NMT1: variants seen among roughly 807,000 people sequenced by gnomAD.
The protein encoded by NMT1 is N-myristoyltransferase 1, also known as glycylpeptide N-tetradecanoyltransferase 1.
NMT1 carries 12 observed loss-of-function variants against 63.4 expected under a neutral mutation model. The ratio of observed to expected loss-of-function variants is 0.19; its 90% CI spans 0.12 to 0.31. NMT1 has a LOEUF of 0.31. Among genes scored for constraint, NMT1 ranks in the 10% least tolerant of loss-of-function variants. NMT1 has a pLI of 1.00. For missense variants in NMT1, 432 were observed against 634.6 expected (o/e 0.68, Z 3.43); for synonymous variants, 228 against 234.3 (o/e 0.97, Z 0.25).
rs964405083 is a variant in NMT1 at position 45,103,324 on chromosome 17, G to A, written c.1164+203G>A. Among the ~76,000 whole-genome samples the A allele has an allele frequency of 3.3e-5, 5 of 152,116 alleles. No homozygotes were observed. The highest frequency in any genetic ancestry group is 6.5e-5 in the Admixed American group (1 of 15,268). ...CTGGCTTGAGCCCTTCTCCCCCTCT[G>A]CCCCACTTTGATAACACAAAATAGA... On this transcript the variant is annotated intron_variant, in intron 9 of 11. Transcript: ENST00000258960. The surrounding 1 kb of genome is among the most constrained non-coding windows in gnomAD (Gnocchi z 4.8).
chr17:45,069,273 A>ATTTCT (rs370339622), intron 1 of NMT1, among the ~76,000 whole-genome samples: 1 of 137,586 alleles, frequency 7.3e-6, no homozygotes, highest in Non-Finnish European at 1.5e-5. Flanking sequence ...TTTATTTTTT[A>ATTTCT]TTATTTATTT....
In NMT1 at chr17:45,093,711, G is replaced by A. The variant is rs752448187; in HGVS notation, c.412G>A (p.Val138Met). 3.7e-6 allele frequency: 6 copies of A among 1,614,192 alleles called. No homozygotes were observed. Among genetic ancestry groups the A allele is most frequent in the East Asian group, 2.2e-5 (1 of 44,874 alleles). The change falls in exon 4 of 12, where the codon GTG becomes ATG. Residue 138 changes from valine (V) to methionine (M), a missense_variant. Val to Met is a conservative substitution (Grantham distance 21). Transcript: ENST00000258960. Reference sequence around the variant, plus strand: ...CGAAGTGGTGAACACCCATGGCCCCGTGGAGCCTGACAAGGACAATATCCG... The same window carrying A: ...CGAAGTGGTGAACACCCATGGCCCCATGGAGCCTGACAAGGACAATATCCG... ...LGEVVNTHGP[V>M]EPDKDNIRQE...
Position 45,103,518 on chromosome 17 carries a change from A to G in NMT1, c.1165-191A>G, listed in dbSNP as rs952642901. On this transcript the variant is annotated intron_variant, in intron 9 of 11. Transcript: ENST00000258960. This position sits in a 1 kb window ranked among gnomAD's most constrained non-coding sequence, Gnocchi z 4.8. ...GAAAGAGGTCTGGCAGGTTCAGCCC[A>G]CGATCACGGCTCTGTCCTCAAGTGC... Among the ~76,000 whole-genome samples, 1 of 152,148 alleles carries G rather than the reference A, an allele frequency of 6.6e-6. No individual in the cohort carries two copies. The highest frequency in any genetic ancestry group is 2.4e-5 in the African/African-American group (1 of 41,426).
At chr17:45,066,594 TA>T (rs1162093973) in intron 1 of NMT1, among the ~76,000 whole-genome samples, 1 of 151,686 alleles carries the variant, frequency 6.6e-6, no homozygotes, top group Non-Finnish European at 1.5e-5. Context: ...TCTCTATAAA[TA>T]AAAACAAAAA....
At chr17:45,081,869 G>A in intron 2 of NMT1, 117 bp downstream of exon 2, 1 of 801,190 alleles carries the variant, frequency 1.2e-6, no homozygotes, top group African/African-American at 1.7e-5. Flanking sequence ...CTTCAAGATG[G>A]AAGAGTTGGA....
intron 5 of NMT1, among the ~76,000 whole-genome samples, chr17:45,096,641 T>A (rs1164049941): frequency 6.6e-6 from 1 of 152,200 alleles, no homozygotes; most frequent in Non-Finnish European, 1.5e-5. Context: ...TGTATAGCCT[T>A]GCCTGGCTGA....
chr17:45,104,496 G>A lies in NMT1; in HGVS notation c.1333-363G>A. 1 of 1,110,226 alleles carries A rather than the reference G, an allele frequency of 9.0e-7. No individual in the cohort carries two copies. The highest frequency in any genetic ancestry group is 1.1e-6 in the Non-Finnish European group (1 of 905,638). 68.8% of individuals were successfully genotyped at this position (1,110,226 alleles called of 1,614,324 possible). A position where few individuals can be genotyped will look rare whatever the true frequency, so the allele number is the denominator to read the frequency against. On this transcript the variant is annotated intron_variant, in intron 10 of 11. Coordinates refer to ENST00000258960, the MANE Select transcript of NMT1 (RefSeq NM_021079.5). This position sits in a 1 kb window ranked among gnomAD's most constrained non-coding sequence, Gnocchi z 4.2. ...AGTAAGGAAGCAACACAAACCCCAT[G>A]TAGCTGACCAGAGCCAGCTTCTCAG...
At chr17:45,099,762 T>C in intron 8 of NMT1, 1 of 510,444 alleles carries the variant, frequency 2.0e-6, no homozygotes, top group South Asian at 2.3e-5. Flanking sequence ...GTTGAAAGGC[T>C]CAGAGAACAC....
chr17:45,065,398 C>T (rs944087481), intron 1 of NMT1, among the ~76,000 whole-genome samples: 5 of 151,842 alleles, frequency 3.3e-5, no homozygotes, highest in African/African-American at 7.3e-5. Flanking sequence ...CTAAGGCGGG[C>T]GGGATCATGA....
intron 8 of NMT1, among the ~76,000 whole-genome samples, chr17:45,102,746 T>C (rs2054175162): frequency 6.6e-6 from 1 of 152,206 alleles, no homozygotes; most frequent in South Asian, 2.1e-4. Flanking sequence ...TTGATTGATG[T>C]AGCAGTCTGA....
At chr17:45,063,881 G>A (rs1025152034) in intron 1 of NMT1, among the ~76,000 whole-genome samples, 4 of 149,580 alleles carry the variant, frequency 2.7e-5, no homozygotes, top group Non-Finnish European at 4.4e-5. Context: ...GGGCAATAGA[G>A]CAAAGCCCTG....
chr17:45,086,423 C>G, intron 2 of NMT1, 85 bp from the exon 3 acceptor site: 1 of 1,384,892 alleles, frequency 7.2e-7, no homozygotes, highest in East Asian at 2.6e-5. Flanking sequence ...CTGCACCCAG[C>G]TCCCCTTAAC....
At chr17:45,067,773 T>A (rs1349529096) in intron 1 of NMT1, among the ~76,000 whole-genome samples, 1 of 152,174 alleles carries the variant, frequency 6.6e-6, no homozygotes, top group Non-Finnish European at 1.5e-5. Context: ...TGTTTCCCAA[T>A]TAAATGGCAA....
intron 2 of NMT1, among the ~76,000 whole-genome samples, chr17:45,085,191 C>T (rs1020616097): frequency 2.0e-5 from 3 of 151,992 alleles, no homozygotes; most frequent in Admixed American, 6.6e-5. Flanking sequence ...AGGTTGAAGC[C>T]GCAGTAAGCC....
chr17:45,077,258 G>C (rs981915241), intron 1 of NMT1, among the ~76,000 whole-genome samples: 8 of 152,028 alleles, frequency 5.3e-5, no homozygotes, highest in Admixed American at 5.2e-4. Flanking sequence ...TGTTCCATAA[G>C]CTGTTATGGA....
intron 1 of NMT1, among the ~76,000 whole-genome samples, chr17:45,064,271 T>C (rs1176909364): frequency 6.6e-6 from 1 of 152,208 alleles, no homozygotes; most frequent in Non-Finnish European, 1.5e-5. Context: ...GGTGTCTCTG[T>C]GCATGGTTAT....
chr17:45,096,985 A>T (rs577809539), intron 5 of NMT1, 143 bp from the exon 6 acceptor site: 67 of 684,306 alleles, frequency 9.8e-5, no homozygotes, highest in South Asian at 9.5e-4. Context: ...TGTGTCCAGG[A>T]GGGCTTGGCC....
At chr17:45,081,375 A>C (rs1247085733) in intron 1 of NMT1, among the ~76,000 whole-genome samples, 1 of 152,248 alleles carries the variant, frequency 6.6e-6, no homozygotes, top group Non-Finnish European at 1.5e-5. Context: ...AAAGAAAATA[A>C]GCAACATAAA....
In NMT1 at chr17:45,104,892, A is replaced by G; in HGVS notation, c.1366A>G (p.Met456Val). 6.2e-7 allele frequency: 1 copy of G among 1,611,166 alleles called. No homozygotes were observed. Among genetic ancestry groups the G allele is most frequent in the Non-Finnish European group, 8.5e-7 (1 of 1,177,616 alleles). The part of the protein sequence containing the change: ...GFDVFNALDL[M>V]ENKTFLEKLK... ...TGATGTGTTCAATGCACTGGATCTCATGGAGAACAAAACCTTCCTGGAGAA... is the reference window on the plus strand; with the variant it reads ...TGATGTGTTCAATGCACTGGATCTCGTGGAGAACAAAACCTTCCTGGAGAA... The change falls in exon 11 of 12, where the codon ATG becomes GTG. Residue 456 changes from methionine to valine, a missense_variant. This residue lies in a region of NMT1 where 295 missense variants were observed against 489.7 expected (regional missense o/e 0.60). Coordinates refer to ENST00000258960, the MANE Select transcript of NMT1 (RefSeq NM_021079.5). This position sits in a 1 kb window ranked among gnomAD's most constrained non-coding sequence, Gnocchi z 4.2.
Sources: gnomAD v4.1 joint callset for allele counts (sites outside exome capture counted in the v4.1 genomes callset) on GRCh38, gnomAD v4.1.1 for gene constraint, gnomAD v4.1.1 regional missense constraint, Gnocchi (gnomAD v3.1) non-coding constraint, MANE v1.5 for transcripts, NCBI Gene and HGNC (gene_info 2026-07-23, HGNC 2026-07-21) for gene names.